Variants in S100Z observed in about 807,000 individuals in gnomAD.
S100Z encodes the protein S100 calcium binding protein Z, also known as protein S100-Z.
In S100Z, 11 loss-of-function variants were observed where a neutral mutation model predicts 8.5. The observed-to-expected ratio is 1.30, with a 90% CI of 0.82 to 2.15. S100Z has a LOEUF of 2.15. Ranked by LOEUF, S100Z falls within the 30% of genes most tolerant of loss-of-function variation. S100Z has a pLI of 0.00. For missense variants in S100Z, 126 were observed against 117.9 expected, an observed-to-expected ratio of 1.07 and a Z score of -0.32; for synonymous variants, 34 against 43.8, an observed-to-expected ratio of 0.78 and a Z score of 0.89.
intron 4 of S100Z, among the ~76,000 whole-genome samples, chr5:76,900,555 G>A (rs535254338): frequency 6.6e-6 from 1 of 151,866 alleles, no homozygotes; most frequent in Non-Finnish European, 1.5e-5. Context: ...GCATTTTTTA[G>A]CTTCAGAATT....
chr5:76,888,461 T>C (rs1251607524), intron 4 of S100Z, among the ~76,000 whole-genome samples: 1 of 130,590 alleles, frequency 7.7e-6, no homozygotes, highest in Non-Finnish European at 1.6e-5. Flanking sequence ...CTGCAAGCTC[T>C]GCCTCCCGGG....
intron 2 of S100Z, among the ~76,000 whole-genome samples, chr5:76,874,814 A>G (rs1381075459): frequency 1.3e-5 from 2 of 152,158 alleles, no homozygotes; most frequent in Non-Finnish European, 2.9e-5. Context: ...GAAACAACTC[A>G]GCTGCGAAGT....
chr5:76,930,631 T>G, the S100Z span, among the ~76,000 whole-genome samples: 1 of 152,176 alleles, frequency 6.6e-6, no homozygotes, highest in African/African-American at 2.4e-5. Context: ...ATCACTCGAC[T>G]CTGAAAATTC....
chr5:76,942,981 A>G, the S100Z span, among the ~76,000 whole-genome samples: 2 of 152,222 alleles, frequency 1.3e-5, no homozygotes, highest in Non-Finnish European at 2.9e-5. Context: ...CCTATGGGTT[A>G]GATATTGTGA....
At chr5:76,932,532 C>T in the S100Z span, among the ~76,000 whole-genome samples, 3 of 152,040 alleles carry the variant, frequency 2.0e-5, no homozygotes, top group African/African-American at 7.2e-5. Flanking sequence ...TTTTGTTTTT[C>T]TAGCAGAGAT....
chr5:76,886,076 AG>A (rs1743618250), intron 4 of S100Z, among the ~76,000 whole-genome samples: 1 of 151,202 alleles, frequency 6.6e-6, no homozygotes, highest in African/African-American at 2.4e-5. Flanking sequence ...AAAGTGGAGA[AG>A]GGGTGGAGAC....
chr5:76,939,519 T>C, the S100Z span, among the ~76,000 whole-genome samples: 24 of 34,792 alleles, frequency 6.9e-4, no homozygotes, highest in East Asian at 2.2e-3. Flanking sequence ...GTGTTTAACT[T>C]TTTTTTTTTT....
At chr5:76,876,018 T>G (rs1053526535) in intron 3 of S100Z, among the ~76,000 whole-genome samples, 2 of 152,182 alleles carry the variant, frequency 1.3e-5, no homozygotes, top group African/African-American at 4.8e-5. Flanking sequence ...CAGTGACCAG[T>G]GGGGTAGCAA....
At chr5:76,933,745 T>A in the S100Z span, among the ~76,000 whole-genome samples, 1 of 152,190 alleles carries the variant, frequency 6.6e-6, no homozygotes. Flanking sequence ...GAGATATACA[T>A]AACAAAATTT....
chr5:76,932,617 G>A, the S100Z span, among the ~76,000 whole-genome samples: 8,581 of 152,252 alleles, frequency 0.056, 326 homozygotes, highest in Middle Eastern at 0.12. Flanking sequence ...GCCTCCCAAA[G>A]TGCTGGGATT....
chr5:76,893,819 TC>T (rs1743945901), intron 4 of S100Z, among the ~76,000 whole-genome samples: 1 of 152,204 alleles, frequency 6.6e-6, no homozygotes, highest in Non-Finnish European at 1.5e-5. Flanking sequence ...TCTCAGCTTC[TC>T]CTTCATCAAC....
At chr5:76,939,499 A>G in the S100Z span, among the ~76,000 whole-genome samples, 1 of 140,202 alleles carries the variant, frequency 7.1e-6, no homozygotes, top group Non-Finnish European at 1.5e-5. Context: ...AATAGTATGA[A>G]ACAAAATTGG....
At chr5:76,902,631 T>G (rs1370005470) in intron 4 of S100Z, among the ~76,000 whole-genome samples, 2 of 149,886 alleles carry the variant, frequency 1.3e-5, no homozygotes, top group South Asian at 4.2e-4. Context: ...AAGGTGGGTT[T>G]TTTTTGTTTT....
At chr5:76,917,830 A>AAC (rs1445373296) in intron 4 of S100Z, among the ~76,000 whole-genome samples, 104 of 151,938 alleles carry the variant, frequency 6.8e-4, no homozygotes, top group African/African-American at 2.3e-3. Flanking sequence ...CAAAAAAAAA[A>AAC]AAAAAAATCA....
intron 4 of S100Z, among the ~76,000 whole-genome samples, chr5:76,905,326 G>A (rs1744388009): frequency 6.6e-6 from 1 of 151,446 alleles, no homozygotes; most frequent in African/African-American, 2.4e-5. Context: ...ACATACCACT[G>A]TGCCCGGCTT....
chr5:76,934,080 T>C, the S100Z span, among the ~76,000 whole-genome samples: 1 of 152,316 alleles, frequency 6.6e-6, no homozygotes, highest in South Asian at 2.1e-4. Context: ...ACTAAATAAC[T>C]TGCCCAGGAC....
intron 1 of S100Z, among the ~76,000 whole-genome samples, chr5:76,869,256 G>A (rs146394381): frequency 2.2e-3 from 341 of 152,156 alleles, no homozygotes; most frequent in Non-Finnish European, 3.7e-3. Flanking sequence ...AAAAAAAAAC[G>A]TGATGTTGGG....
At chr5:76,867,558 G>GT (rs1044085222) in intron 1 of S100Z, among the ~76,000 whole-genome samples, 2 of 143,740 alleles carry the variant, frequency 1.4e-5, no homozygotes, top group African/African-American at 2.6e-5. Context: ...ATATTTACCA[G>GT]TTTTTTTTCT....
chr5:76,877,691 G>T lies in S100Z; in HGVS notation c.159G>T (p.Gln53His), dbSNP rs1219651054. The change falls in exon 4 of 5, where the codon CAG (glutamine) becomes CAT (histidine). Residue 53 changes from glutamine to histidine, a missense_variant. By Grantham distance (24) the Gln-to-His change is conservative. Coordinates refer to ENST00000317593, the MANE Select transcript of S100Z (RefSeq NM_130772.4). ...CATTTTAGTGCCAAAAGGAAACCCA[G>T]TTGGTTGATAAGATAGTGCAGGACC... ...TEFLSCQKETQLVDKIVQDLD... is the reference protein window; with the variant it reads ...TEFLSCQKETHLVDKIVQDLD... 1 of 1,606,184 alleles carries T rather than the reference G, an allele frequency of 6.2e-7. No homozygotes were observed. The highest frequency in any genetic ancestry group is 2.2e-5 in the East Asian group (1 of 44,756).
Sources: allele counts gnomAD v4.1 joint callset (sites outside exome capture counted in the v4.1 genomes callset), GRCh38; gene constraint gnomAD v4.1.1; transcripts MANE v1.5; gene names NCBI Gene and HGNC (gene_info 2026-07-23, HGNC 2026-07-21).